Variants in CRPPA observed in about 807,000 individuals in gnomAD.
The protein encoded by CRPPA is D-ribitol-5-phosphate cytidylyltransferase.
CRPPA carries 43 observed loss-of-function variants against 52.0 expected under a neutral mutation model. The observed-to-expected ratio is 0.83, with a 90% confidence interval of 0.65 to 1.07. The LOEUF (loss-of-function observed/expected upper bound fraction) is 1.07. Ranked by LOEUF, CRPPA falls within the 50% of genes least tolerant of loss-of-function variation. The probability of loss-of-function intolerance (pLI) is 0.00; values close to 1 mark genes in which losing one functional copy is unlikely to be tolerated. For missense variants in CRPPA, 629 were observed against 551.7 expected (o/e 1.14, Z -1.40); for synonymous variants, 250 against 203.5 (o/e 1.23, Z -1.94).
intron 6 of CRPPA, among the ~76,000 whole-genome samples, chr7:16,259,738 A>C (rs1214123987): frequency 6.6e-6 from 1 of 152,022 alleles, no homozygotes; most frequent in Non-Finnish European, 1.5e-5. Context: ...ATAATTCCAC[A>C]GGAAATCACA....
At chr7:16,169,147 T>C (rs1781127151) in intron 9 of CRPPA, among the ~76,000 whole-genome samples, 2 of 152,204 alleles carry the variant, frequency 1.3e-5, no homozygotes, top group African/African-American at 4.8e-5. Context: ...AAATTACATA[T>C]TATTTCCACT....
chr7:16,299,301 A>T (rs1286331015), intron 5 of CRPPA, among the ~76,000 whole-genome samples: 1 of 152,192 alleles, frequency 6.6e-6, no homozygotes, highest in African/African-American at 2.4e-5. Context: ...TCAGGTGAGC[A>T]AACAAGCATT....
chr7:16,143,808 G>T (rs2128376591), intron 9 of CRPPA, among the ~76,000 whole-genome samples: 1 of 152,230 alleles, frequency 6.6e-6, no homozygotes, highest in East Asian at 1.9e-4. Context: ...GAAAAGTATG[G>T]CAGTTGTCCT....
intron 1 of CRPPA, 76 bp downstream of exon 1, chr7:16,420,990 C>T (rs1788319013): frequency 7.4e-6 from 9 of 1,212,704 alleles, no homozygotes; most frequent in Admixed American, 4.2e-5. Context: ...AAGGTGCTAG[C>T]GCTAGAGCAG....
intron 2 of CRPPA, among the ~76,000 whole-genome samples, chr7:16,382,759 T>C (rs566087905): frequency 3.9e-5 from 6 of 152,242 alleles, no homozygotes; most frequent in Non-Finnish European, 5.9e-5. Context: ...CCATCGCTGA[T>C]ACCCTTTCTT....
chr7:16,305,377 G>C (rs1784885643), intron 4 of CRPPA, among the ~76,000 whole-genome samples: 1 of 152,178 alleles, frequency 6.6e-6, no homozygotes, highest in Non-Finnish European at 1.5e-5. Context: ...GAGCACGACA[G>C]GACTTTTAGG....
At chr7:16,366,730 C>T (rs1170888317) in intron 3 of CRPPA, among the ~76,000 whole-genome samples, 5 of 143,364 alleles carry the variant, frequency 3.5e-5, no homozygotes, top group Non-Finnish European at 7.6e-5. Context: ...AATGACATGA[C>T]TATATGAACC....
chr7:16,265,726 A>G (rs774315321), intron 6 of CRPPA, among the ~76,000 whole-genome samples: 1 of 151,540 alleles, frequency 6.6e-6, no homozygotes, highest in Non-Finnish European at 1.5e-5. Flanking sequence ...TTTACATTTA[A>G]TACATTTATT....
At chr7:16,344,850 T>A (rs1176750162) in intron 3 of CRPPA, among the ~76,000 whole-genome samples, 1 of 151,932 alleles carries the variant, frequency 6.6e-6, no homozygotes, top group East Asian at 1.9e-4. Flanking sequence ...GATCTCAGAT[T>A]ATCAGTGGAT....
At chr7:16,393,001 AT>A (rs1159464022) in intron 2 of CRPPA, among the ~76,000 whole-genome samples, 2 of 152,126 alleles carry the variant, frequency 1.3e-5, no homozygotes, top group Non-Finnish European at 2.9e-5. Flanking sequence ...TGTTTTAAGG[AT>A]TTTAACAAAT....
At chr7:16,259,069 T>A (rs1002831695) in intron 6 of CRPPA, 57 bp from the exon 7 acceptor site, 2 of 1,235,954 alleles carry the variant, frequency 1.6e-6, no homozygotes, top group African/African-American at 3.0e-5. Flanking sequence ...CATAAACATC[T>A]TTGTTACAAA....
At chr7:16,377,834 G>A (rs1252859995) in intron 2 of CRPPA, among the ~76,000 whole-genome samples, 2 of 152,174 alleles carry the variant, frequency 1.3e-5, no homozygotes, top group African/African-American at 2.4e-5. Context: ...CTATGGCACA[G>A]AGGCTAAAAT....
chr7:16,208,149 C>T (rs192188033), intron 9 of CRPPA, among the ~76,000 whole-genome samples: 1 of 152,054 alleles, frequency 6.6e-6, no homozygotes, highest in East Asian at 1.9e-4. Flanking sequence ...TACCTATGCA[C>T]CCCCATTAAT....
chr7:16,401,736 C>G (rs767909033), intron 2 of CRPPA, among the ~76,000 whole-genome samples: 38 of 152,232 alleles, frequency 2.5e-4, no homozygotes, highest in Non-Finnish European at 3.7e-4. Flanking sequence ...TAACAAAGTC[C>G]TCATTGCCAC....
chr7:16,345,696 G>A (rs1420837719), intron 3 of CRPPA, among the ~76,000 whole-genome samples: 1 of 152,042 alleles, frequency 6.6e-6, no homozygotes, highest in Non-Finnish European at 1.5e-5. Context: ...ACATACTGGA[G>A]GCTATACTTG....
chr7:16,239,559 C>CAAAAA (rs751232682), intron 8 of CRPPA, among the ~76,000 whole-genome samples: 1,212 of 47,600 alleles, frequency 0.025, 109 homozygotes, highest in African/African-American at 0.046. Context: ...AAGTCAATAG[C>CAAAAA]AAAAAAAAAA....
At chr7:16,167,179 G>C (rs2128384044) in intron 9 of CRPPA, among the ~76,000 whole-genome samples, 1 of 152,242 alleles carries the variant, frequency 6.6e-6, no homozygotes, top group East Asian at 1.9e-4. Flanking sequence ...GCCTGCCTCA[G>C]CCTCTCAGAG....
At chr7:16,102,450 G>T (rs1196242747) in intron 9 of CRPPA, among the ~76,000 whole-genome samples, 2 of 152,128 alleles carry the variant, frequency 1.3e-5, no homozygotes, top group East Asian at 3.9e-4. Context: ...AGCCAAAATT[G>T]ACAAATGGGA....
chr7:16,104,941 G>T (rs1463210606), intron 9 of CRPPA, among the ~76,000 whole-genome samples: 1 of 151,564 alleles, frequency 6.6e-6, no homozygotes, highest in Non-Finnish European at 1.5e-5. Context: ...ATTAGAGGTA[G>T]TGTACAACTT....
Sources: gnomAD v4.1 joint callset for allele counts (sites outside exome capture counted in the v4.1 genomes callset) on GRCh38, gnomAD v4.1.1 for gene constraint, MANE v1.5 for transcripts, NCBI Gene and HGNC (gene_info 2026-07-23, HGNC 2026-07-21) for gene names.